Variants in ENOX1 observed in about 807,000 individuals in gnomAD.
ENOX1 encodes candidate growth-related and time keeping constitutive hydroquinone (NADH) oxidase.
Under a neutral mutation model 82.5 loss-of-function variants are expected in ENOX1, and 42 were observed. That is an observed-to-expected ratio of 0.51 (90% confidence interval 0.40 to 0.66). The LOEUF (loss-of-function observed/expected upper bound fraction) is 0.66. Among genes scored for constraint, ENOX1 ranks in the 30% least tolerant of loss-of-function variants. ENOX1 has a pLI of 0.00. For synonymous variants in ENOX1, 271 were observed against 282.2 expected, an observed-to-expected ratio of 0.96 and a Z score of 0.40; for missense variants, 608 against 811.6, an observed-to-expected ratio of 0.75 and a Z score of 3.05.
intron 14 of ENOX1, among the ~76,000 whole-genome samples, chr13:43,247,009 A>C (rs1244240583): frequency 6.6e-6 from 1 of 152,186 alleles, no homozygotes; most frequent in African/African-American, 2.4e-5. Context: ...CCAGAATCAG[A>C]GATCACGAAG....
intron 1 of ENOX1, among the ~76,000 whole-genome samples, chr13:43,723,942 T>C (rs1164356086): frequency 6.6e-6 from 1 of 152,218 alleles, no homozygotes; most frequent in East Asian, 1.9e-4. Flanking sequence ...CTGGGATATC[T>C]GATCAGCCGT....
intron 12 of ENOX1, among the ~76,000 whole-genome samples, chr13:43,283,661 G>A (rs558089972): frequency 7.9e-5 from 12 of 151,470 alleles, no homozygotes; most frequent in African/African-American, 2.9e-4. Context: ...TGTTGACCAG[G>A]CTGGTCTCAA....
intron 13 of ENOX1, among the ~76,000 whole-genome samples, chr13:43,266,830 G>T (rs1214816560): frequency 1.3e-5 from 2 of 152,126 alleles, no homozygotes; most frequent in Non-Finnish European, 2.9e-5. Flanking sequence ...CCTGTAGCTT[G>T]TGCTCCCATG....
intron 2 of ENOX1, among the ~76,000 whole-genome samples, chr13:43,504,395 A>T (rs1299170933): frequency 6.6e-6 from 1 of 151,818 alleles, no homozygotes; most frequent in Non-Finnish European, 1.5e-5. Flanking sequence ...ATTATTCACA[A>T]TAGGCAAGAT....
At chr13:43,586,384 A>G (rs757848295) in intron 2 of ENOX1, among the ~76,000 whole-genome samples, 5 of 152,226 alleles carry the variant, frequency 3.3e-5, no homozygotes, top group African/African-American at 4.8e-5. Context: ...CTTGACCAGC[A>G]TGACATTCAT....
intron 1 of ENOX1, among the ~76,000 whole-genome samples, chr13:43,698,708 A>G (rs967204141): frequency 2.0e-5 from 3 of 152,184 alleles, no homozygotes; most frequent in African/African-American, 7.2e-5. Flanking sequence ...TGCACTTTTC[A>G]CAAAATTATA....
chr13:43,569,296 T>C (rs1029771395), intron 2 of ENOX1, among the ~76,000 whole-genome samples: 4 of 152,070 alleles, frequency 2.6e-5, no homozygotes, highest in African/African-American at 9.7e-5. Flanking sequence ...CATATAAAGA[T>C]CACCTAGGGC....
chr13:43,557,782 A>T lies in ENOX1; in HGVS notation c.-218-73630T>A, dbSNP rs929125833. Among the ~76,000 whole-genome samples the T allele has an allele frequency of 3.9e-5, 6 of 152,284 alleles. No individual in the cohort carries two copies. The East Asian group carries it at 9.7e-4, about 24-fold the overall frequency. Reference sequence around the variant, plus strand: ...CACTGCCCTTCAGACTGGGTGACACAGTGAGATCTTGTCTCTAACAGAAGT... The same window carrying T: ...CACTGCCCTTCAGACTGGGTGACACTGTGAGATCTTGTCTCTAACAGAAGT... On this transcript the variant is annotated intron_variant, in intron 2 of 16. Coordinates refer to ENST00000690772, the MANE Select transcript of ENOX1 (RefSeq NM_001347969.2).
chr13:43,247,683 C>T (rs1167705426), intron 14 of ENOX1, among the ~76,000 whole-genome samples: 1 of 149,482 alleles, frequency 6.7e-6, no homozygotes, highest in East Asian at 2.0e-4. Flanking sequence ...TCCCAGTGCA[C>T]CTGTTGTCCC....
chr13:43,657,609 G>A (rs1235412739), intron 2 of ENOX1, among the ~76,000 whole-genome samples: 28 of 152,218 alleles, frequency 1.8e-4, no homozygotes, highest in Non-Finnish European at 2.9e-5. Flanking sequence ...TGTAGCTGCT[G>A]GAGGAGGTTT....
At chr13:43,778,079 C>G (rs1357855307) in intron 1 of ENOX1, among the ~76,000 whole-genome samples, 1 of 152,100 alleles carries the variant, frequency 6.6e-6, no homozygotes, top group African/African-American at 2.4e-5. Context: ...GTCATTGACT[C>G]AAAACTACTT....
At chr13:43,509,730 T>A (rs773719294) in intron 2 of ENOX1, among the ~76,000 whole-genome samples, 6 of 152,072 alleles carry the variant, frequency 3.9e-5, no homozygotes, top group Admixed American at 2.0e-4. Context: ...TTAAACCAAA[T>A]GAAGAGGTTT....
chr13:43,372,177 ATTCT>A (rs2051287180), intron 5 of ENOX1, among the ~76,000 whole-genome samples: 1 of 152,196 alleles, frequency 6.6e-6, no homozygotes, highest in Non-Finnish European at 1.5e-5. Flanking sequence ...GACATGTGGT[ATTCT>A]TTCTATTTGT....
At chr13:43,290,447 C>G (rs944159811) in intron 12 of ENOX1, among the ~76,000 whole-genome samples, 1 of 152,124 alleles carries the variant, frequency 6.6e-6, no homozygotes, top group African/African-American at 2.4e-5. Context: ...ATGTCCTTTG[C>G]AGTAACAGGG....
At chr13:43,509,551 C>T (rs967469586) in intron 2 of ENOX1, among the ~76,000 whole-genome samples, 1 of 152,078 alleles carries the variant, frequency 6.6e-6, no homozygotes, top group African/African-American at 2.4e-5. Context: ...TGGAATACAT[C>T]TGATGTAGCA....
At chr13:43,565,098 G>A (rs571153218) in intron 2 of ENOX1, among the ~76,000 whole-genome samples, 76 of 152,228 alleles carry the variant, frequency 5.0e-4, no homozygotes, top group African/African-American at 1.8e-3. Context: ...TTGAGACAGT[G>A]GAAAGAGCAA....
intron 1 of ENOX1, among the ~76,000 whole-genome samples, chr13:43,700,381 G>A (rs570727665): frequency 6.6e-6 from 1 of 152,198 alleles, no homozygotes; most frequent in East Asian, 1.9e-4. Context: ...AAAAGAGTCT[G>A]GTAGCATGTC....
intron 5 of ENOX1, among the ~76,000 whole-genome samples, chr13:43,374,971 T>C (rs925278500): frequency 6.6e-6 from 1 of 152,238 alleles, no homozygotes; most frequent in Admixed American, 6.5e-5. Flanking sequence ...AGCTTCCTCA[T>C]CTCAGATGTG....
chr13:43,755,180 T>C (rs1450007907), intron 1 of ENOX1, among the ~76,000 whole-genome samples: 2 of 152,168 alleles, frequency 1.3e-5, no homozygotes, highest in Non-Finnish European at 2.9e-5. Context: ...CATTTCCTAA[T>C]TGAAAGGATT....
Sources: allele counts gnomAD v4.1 joint callset (sites outside exome capture counted in the v4.1 genomes callset), GRCh38; gene constraint gnomAD v4.1.1; transcripts MANE v1.5; gene names NCBI Gene and HGNC (gene_info 2026-07-23, HGNC 2026-07-21).